The following SPARC variants were observed in gnomAD, a reference collection of about 807,000 sequenced individuals.
The protein encoded by SPARC is basement-membrane protein 40.
Under a neutral mutation model 37.7 loss-of-function variants are expected in SPARC, and 23 were observed. The observed-to-expected ratio is 0.61, with a 90% CI of 0.44 to 0.87. SPARC has a LOEUF of 0.87. SPARC is among the 40% of genes least tolerant of loss of function. The pLI is 0.00. For synonymous variants in SPARC, 155 were observed against 150.8 expected (o/e 1.03, Z -0.20); for missense variants, 312 against 389.0 (o/e 0.80, Z 1.66).
intron 1 of SPARC, among the ~76,000 whole-genome samples, chr5:151,677,576 C>T (rs138880487): frequency 3.9e-5 from 6 of 152,258 alleles, no homozygotes; most frequent in Non-Finnish European, 8.8e-5. Flanking sequence ...GACCTTGGTT[C>T]CCCCATCTAT....
chr5:151,671,451 C>G, intron 5 of SPARC, 122 bp downstream of exon 5: 2 of 1,212,260 alleles, frequency 1.6e-6, no homozygotes, highest in Non-Finnish European at 2.3e-6. Context: ...CTAGGTCTAG[C>G]AAGGGGACTT....
At chr5:151,664,385 G>A (rs141145399) in intron 8 of SPARC, 150 bp from the exon 9 acceptor site, 2 of 687,820 alleles carry the variant, frequency 2.9e-6, no homozygotes, top group African/African-American at 1.8e-5. Flanking sequence ...TCTACCCCTA[G>A]CTCTGCCACT....
Position 151,663,231 on chromosome 5 carries a change from A to G in SPARC, c.*340T>C. 3.7e-6 allele frequency: 1 copy of G among 271,050 alleles called. No homozygotes were observed. The highest frequency in any genetic ancestry group is 6.3e-5 in the South Asian group (1 of 15,940). The allele number at this position is 271,050 out of a possible 1,614,324, so 16.8% of individuals were successfully genotyped here. A position where few individuals can be genotyped will look rare whatever the true frequency, so the allele number is the denominator to read the frequency against. On this transcript the variant is annotated 3_prime_UTR_variant, in exon 10 of 10. Transcript: ENST00000231061. Reference sequence around the variant, plus strand: ...GGTAAGTATTAGTTTCAAACAGAACACTAAAGAGAAAAGTTGAAGCTGCAA... The same window carrying G: ...GGTAAGTATTAGTTTCAAACAGAACGCTAAAGAGAAAAGTTGAAGCTGCAA...
Position 151,664,160 on chromosome 5 carries a change from G to GA in SPARC, c.809dup (p.Glu271ArgfsTer4), listed in dbSNP as rs755036373. The GA allele has an allele frequency of 6.2e-7, 1 of 1,614,154 alleles. No homozygotes were observed. Among genetic ancestry groups the GA allele is most frequent in the South Asian group, 1.1e-5 (1 of 91,082 alleles). ...TGTCATTGTCCAGGTCACAGGTCTC[G>GA]AAAAAGCGGGTGGTGCAATGCTCCA... On this transcript the variant is annotated frameshift_variant, in exon 9 of 10. Coordinates refer to ENST00000231061, the MANE Select transcript of SPARC (RefSeq NM_003118.4). LOFTEE classifies it high-confidence loss of function.
intron 1 of SPARC, chr5:151,676,985 C>T (rs555174373): frequency 6.6e-6 from 1 of 152,350 alleles, no homozygotes; most frequent in Admixed American, 6.5e-5. Context: ...CGGAAACCAT[C>T]CAGATGCTTC....
At chr5:151,683,731 T>C (rs1761065247) in intron 1 of SPARC, among the ~76,000 whole-genome samples, 1 of 152,222 alleles carries the variant, frequency 6.6e-6, no homozygotes, top group African/African-American at 2.4e-5. Context: ...TTTCAGCCTG[T>C]AATAGGCGAG....
rs1760563297 is a variant in SPARC, at chr5:151,663,702, C to G, written c.884-103G>C. The G allele has an allele frequency of 4.6e-5, 54 of 1,166,148 alleles. No homozygotes were observed. In the South Asian group the frequency reaches 6.9e-4, roughly 15 times the overall value. 72.2% of individuals were successfully genotyped at this position (1,166,148 alleles called of 1,614,324 possible). The stretch of plus-strand genomic sequence containing the variant: ...CCCACCCATCCCCAGGGGCAGGGGT[C>G]TAGGTGGCCATGCAAGGTCACCCAG... On this transcript the variant is annotated intron_variant, in intron 9 of 9. Transcript: ENST00000231061.
At chr5:151,671,541 C>T (rs762207022) in intron 5 of SPARC, 32 bp downstream of exon 5, 19 of 1,537,090 alleles carry the variant, frequency 1.2e-5, no homozygotes, top group Non-Finnish European at 1.7e-5. Flanking sequence ...GTGCCCAATC[C>T]CTTCCCCCTG....
At chr5:151,663,764 C>T (rs1760564177) in intron 9 of SPARC, among the ~76,000 whole-genome samples, 165 bp from the exon 10 acceptor site, 1 of 152,226 alleles carries the variant, frequency 6.6e-6, no homozygotes, top group Non-Finnish European at 1.5e-5. Context: ...CTCTCTGTCT[C>T]TGGCCTGTCC....
At chr5:151,671,155 T>TA (rs1303776277) in intron 5 of SPARC, among the ~76,000 whole-genome samples, 2 of 152,258 alleles carry the variant, frequency 1.3e-5, no homozygotes, top group African/African-American at 4.8e-5. Flanking sequence ...GGACTATTTT[T>TA]ATCCTCTCTT....
At chr5:151,664,318 G>A in intron 8 of SPARC, 83 bp from the exon 9 acceptor site, 1 of 1,281,534 alleles carries the variant, frequency 7.8e-7, no homozygotes, top group Non-Finnish European at 1.1e-6. Context: ...GAGTTAGCCT[G>A]CCCCAGAGCA....
intron 1 of SPARC, among the ~76,000 whole-genome samples, chr5:151,677,807 C>A (rs1407390973): frequency 2.6e-5 from 4 of 152,156 alleles, no homozygotes; most frequent in Non-Finnish European, 5.9e-5. Context: ...AAACCTCACC[C>A]CCTATTGCAC....
At chr5:151,680,743 C>T (rs375620263) in intron 1 of SPARC, among the ~76,000 whole-genome samples, 1 of 152,116 alleles carries the variant, frequency 6.6e-6, no homozygotes, top group Non-Finnish European at 1.5e-5. Context: ...AATTTGTTCC[C>T]CAATGTGTAA....
chr5:151,663,979 GACAGACA>G lies in SPARC; in HGVS notation c.883+101_883+107del, dbSNP rs1760568533. On this transcript the variant is annotated intron_variant, in intron 9 of 9. Coordinates refer to ENST00000231061, the MANE Select transcript of SPARC (RefSeq NM_003118.4). ...AGAGAGAGCAGAGACAGGCAGAGAGGACAGACAACAGACAGACCAAGAGAGCGGAGAG... is the reference window on the plus strand; with the variant it reads ...AGAGAGAGCAGAGACAGGCAGAGAGGACAGACAGACCAAGAGAGCGGAGAG... 6 of 1,333,278 alleles carry G rather than the reference GACAGACA, an allele frequency of 4.5e-6. No individual in the cohort carries two copies. The African/African-American group carries it at 7.1e-5, about 16-fold the overall frequency. 82.6% of individuals were successfully genotyped at this position (1,333,278 alleles called of 1,614,324 possible).
chr5:151,680,792 G>T (rs1359387063), intron 1 of SPARC, among the ~76,000 whole-genome samples: 2 of 152,172 alleles, frequency 1.3e-5, no homozygotes, highest in Admixed American at 1.3e-4. Context: ...AAGGCTCATG[G>T]GTGATTTACA....
At chr5:151,680,675 G>T (rs1291299225) in intron 1 of SPARC, among the ~76,000 whole-genome samples, 2 of 152,082 alleles carry the variant, frequency 1.3e-5, no homozygotes. Context: ...TTCAAATCCT[G>T]GCTCACCACT....
At chr5:151,674,776 G>T in intron 2 of SPARC, 102 bp from the exon 3 acceptor site, 1 of 1,123,652 alleles carries the variant, frequency 8.9e-7, no homozygotes, top group Non-Finnish European at 1.3e-6. Flanking sequence ...AGCTTGGAGA[G>T]CAGCTTACTG....
At chr5:151,680,013 A>C (rs939396539) in intron 1 of SPARC, among the ~76,000 whole-genome samples, 4 of 152,220 alleles carry the variant, frequency 2.6e-5, no homozygotes, top group African/African-American at 9.6e-5. Context: ...TACGTGGTCC[A>C]CTATGATAGC....
At chr5:151,676,011 G>A (rs1448356994) in intron 2 of SPARC, 121 bp downstream of exon 2, 1 of 707,254 alleles carries the variant, frequency 1.4e-6, no homozygotes, top group Non-Finnish European at 2.3e-6. Context: ...AAAAAAAAAA[G>A]ACCACTAACT....
Sources: gnomAD v4.1 joint callset for allele counts (sites outside exome capture counted in the v4.1 genomes callset) on GRCh38, gnomAD v4.1.1 for gene constraint, MANE v1.5 for transcripts, NCBI Gene and HGNC (gene_info 2026-07-23, HGNC 2026-07-21) for gene names.